Variants in TRIO observed in about 807,000 individuals in gnomAD.
TRIO encodes the protein triple functional domain protein.
Under a neutral mutation model 351.9 loss-of-function variants are expected in TRIO, and 58 were observed. The observed-to-expected ratio is 0.16, with a 90% CI of 0.13 to 0.21. The LOEUF (loss-of-function observed/expected upper bound fraction) is 0.21, where lower values mean the gene tolerates loss of function less well. Among genes scored for constraint, TRIO ranks in the 10% least tolerant of loss-of-function variants. The pLI, the probability that TRIO is intolerant of heterozygous loss-of-function variation, is 1.00. For missense variants in TRIO, 3,201 were observed against 4,027.8 expected (o/e 0.79, Z 5.56); for synonymous variants, 1,758 against 1,595.7 (o/e 1.10, Z -2.42).
chr5:14,406,057 C>T, intron 32 of TRIO, 67 bp downstream of exon 32: 2 of 1,554,726 alleles, frequency 1.3e-6, no homozygotes, highest in South Asian at 2.3e-5. Context: ...TGTTAGCTCA[C>T]CCTGCTTCAA....
chr5:14,317,897 G>A (rs575078964), intron 9 of TRIO, among the ~76,000 whole-genome samples: 1 of 151,972 alleles, frequency 6.6e-6, no homozygotes, highest in African/African-American at 2.4e-5. Flanking sequence ...GAGGCCAAGG[G>A]GGGTGGATCA....
chr5:14,265,916 C>G (rs1276391740), intron 1 of TRIO, among the ~76,000 whole-genome samples: 1 of 152,174 alleles, frequency 6.6e-6, no homozygotes, highest in Non-Finnish European at 1.5e-5. Context: ...AACTACCTAA[C>G]ATTTCACAAA....
intron 1 of TRIO, among the ~76,000 whole-genome samples, chr5:14,205,336 A>G (rs972432416): frequency 1.3e-5 from 2 of 152,254 alleles, no homozygotes; most frequent in Non-Finnish European, 2.9e-5. Context: ...AACAAAGGAT[A>G]AAATAATTGT....
At chr5:14,479,126 TCCCGAGAG>T (rs1755326223) in intron 41 of TRIO, 127 bp from the exon 42 acceptor site, 1 of 712,262 alleles carries the variant, frequency 1.4e-6, no homozygotes, top group Admixed American at 2.6e-5. Flanking sequence ...TGGAATTTAC[TCCCGAGAG>T]CCTTAGCTGT....
chr5:14,158,893 A>G (rs1788265891), intron 1 of TRIO, among the ~76,000 whole-genome samples: 1 of 152,240 alleles, frequency 6.6e-6, no homozygotes, highest in Admixed American at 6.5e-5. Flanking sequence ...GATACATTTC[A>G]GATTTTGAAA....
intron 46 of TRIO, among the ~76,000 whole-genome samples, chr5:14,484,627 T>G (rs1210217218): frequency 6.6e-6 from 1 of 152,196 alleles, no homozygotes; most frequent in Non-Finnish European, 1.5e-5. Context: ...ACACATAACA[T>G]AAATGTTCCA....
In TRIO at chr5:14,510,010, C is replaced by T. The variant is rs1057074576; in HGVS notation, c.*1588C>T. 1 of 152,112 alleles carries T rather than the reference C, an allele frequency of 6.6e-6. No individual in the cohort carries two copies. Among genetic ancestry groups the T allele is most frequent in the Non-Finnish European group, 1.5e-5 (1 of 68,050 alleles). 9.4% of individuals were successfully genotyped at this position (152,112 alleles called of 1,614,324 possible). ...GAAACTTTTTAAAAGAAATTGGATT[C>T]GAAACTGGATGTGTATTCGTAACCT... On this transcript the variant is annotated 3_prime_UTR_variant, in exon 57 of 57. Transcript: ENST00000344204.
At chr5:14,379,525 C>T (rs1167480986) in intron 20 of TRIO, among the ~76,000 whole-genome samples, 1 of 152,138 alleles carries the variant, frequency 6.6e-6, no homozygotes, top group Non-Finnish European at 1.5e-5. Context: ...CAGCATGTTC[C>T]CAACAGCCAG....
At chr5:14,168,722 T>G (rs2152123861) in intron 1 of TRIO, among the ~76,000 whole-genome samples, 1 of 152,374 alleles carries the variant, frequency 6.6e-6, no homozygotes, top group East Asian at 1.9e-4. Context: ...GTTTGTGAGT[T>G]ATACTATCAT....
chr5:14,151,178 G>T (rs1274318441), intron 1 of TRIO, among the ~76,000 whole-genome samples: 1 of 152,158 alleles, frequency 6.6e-6, no homozygotes, highest in Non-Finnish European at 1.5e-5. Context: ...AGGCATTCTT[G>T]TATATAATTG....
chr5:14,438,556 C>G (rs1050535512), intron 34 of TRIO, among the ~76,000 whole-genome samples: 4 of 152,292 alleles, frequency 2.6e-5, no homozygotes, highest in Non-Finnish European at 4.4e-5. Flanking sequence ...GGTTTTGAAC[C>G]AGGGTTTCTT....
rs1735690322 is a variant in TRIO, at chr5:14,277,992, C to T, written c.233-2330C>T. Among the ~76,000 whole-genome samples the T allele has an allele frequency of 2.6e-5, 4 of 152,154 alleles. No homozygotes were observed. In the South Asian group the frequency reaches 6.2e-4, roughly 24 times the overall value. Reference sequence around the variant, plus strand: ...TTTTGATAAAATTGTAAAAATATCCCAGTGAATTTTCTGAAGTTCTTTTCT... The same window carrying T: ...TTTTGATAAAATTGTAAAAATATCCTAGTGAATTTTCTGAAGTTCTTTTCT... On this transcript the variant is annotated intron_variant, in intron 2 of 56. Coordinates refer to ENST00000344204, the MANE Select transcript of TRIO (RefSeq NM_007118.4).
chr5:14,507,106 G>T lies in TRIO; in HGVS notation c.8613-16G>T. On this transcript the variant is annotated splice_polypyrimidine_tract_variant and intron_variant, in intron 55 of 56. Coordinates refer to ENST00000344204, the MANE Select transcript of TRIO (RefSeq NM_007118.4). ...GCAAATCGCATCATAACAGTCACCC[G>T]CTCCTGCCTCTTTAGGGCTGACCAG... 6.4e-7 allele frequency: 1 copy of T among 1,565,506 alleles called. No homozygotes were observed.
chr5:14,508,346 G>A lies in TRIO; in HGVS notation c.9218G>A (p.Arg3073His). 1.9e-6 allele frequency: 3 copies of A among 1,613,996 alleles called. No individual in the cohort carries two copies. The highest frequency in any genetic ancestry group is 1.7e-6 in the Non-Finnish European group (2 of 1,180,044). ...TSRLTSFIER[R>H]KHQNDVRPIR... Reference sequence around the variant, plus strand: ...AGACTGACTTCCTTCATTGAGCGGCGCAAACACCAGAATGATGTTCGACCT... The same window carrying A: ...AGACTGACTTCCTTCATTGAGCGGCACAAACACCAGAATGATGTTCGACCT... Residue 3073 changes from arginine to histidine, a missense_variant, in exon 57 of 57, where the codon CGC (arginine) becomes CAC (histidine). Transcript: ENST00000344204.
intron 9 of TRIO, among the ~76,000 whole-genome samples, chr5:14,323,667 G>A (rs1039651147): frequency 3.9e-5 from 6 of 152,246 alleles, no homozygotes; most frequent in Non-Finnish European, 7.3e-5. Flanking sequence ...GAATAATGCG[G>A]TCTGGGGTCT....
chr5:14,411,991 CTT>C (rs112955087), intron 33 of TRIO, among the ~76,000 whole-genome samples: 26 of 138,014 alleles, frequency 1.9e-4, no homozygotes, highest in Non-Finnish European at 1.7e-4. Flanking sequence ...TTCTTTCTTT[CTT>C]TTTTTTTTTT....
chr5:14,345,874 T>G (rs1742369396), intron 11 of TRIO, among the ~76,000 whole-genome samples: 1 of 152,242 alleles, frequency 6.6e-6, no homozygotes, highest in Non-Finnish European at 1.5e-5. Context: ...TTAAAGGGCA[T>G]TTTATGATTC....
chr5:14,226,721 T>C (rs940507596), intron 1 of TRIO, among the ~76,000 whole-genome samples: 3 of 152,260 alleles, frequency 2.0e-5, no homozygotes, highest in Non-Finnish European at 4.4e-5. Flanking sequence ...CTAACCTGTT[T>C]AGTCAATTGC....
At chr5:14,247,424 A>G (rs1222283514) in intron 1 of TRIO, among the ~76,000 whole-genome samples, 1 of 152,258 alleles carries the variant, frequency 6.6e-6, no homozygotes. Flanking sequence ...ATGAAGTCTT[A>G]CTAATTCGTA....
Sources: gnomAD v4.1 joint callset for allele counts (sites outside exome capture counted in the v4.1 genomes callset) on GRCh38, gnomAD v4.1.1 for gene constraint, MANE v1.5 for transcripts, NCBI Gene and HGNC (gene_info 2026-07-23, HGNC 2026-07-21) for gene names.